Variants in ZNRF1 observed in about 807,000 individuals in gnomAD.
ZNRF1 encodes the protein E3 ubiquitin-protein ligase ZNRF1.
In ZNRF1, 3 loss-of-function variants were observed where a neutral mutation model predicts 18.4. The ratio of observed to expected loss-of-function variants is 0.16; its 90% CI spans 0.07 to 0.42. The LOEUF (loss-of-function observed/expected upper bound fraction) is 0.42. ZNRF1 is among the 10% of genes least tolerant of loss of function. The probability of loss-of-function intolerance (pLI) is 0.99; values close to 1 mark genes in which losing one functional copy is unlikely to be tolerated. For missense variants in ZNRF1, 310 were observed against 329.8 expected (o/e 0.94, Z 0.47); for synonymous variants, 157 against 144.2 (o/e 1.09, Z -0.64).
intron 1 of ZNRF1, among the ~76,000 whole-genome samples, chr16:75,039,300 C>T (rs2035412477): frequency 6.6e-6 from 1 of 151,638 alleles, no homozygotes. Flanking sequence ...AATGTGGAAG[C>T]ATATTTAGAA....
chr16:75,107,314 AC>A (rs1427350192), intron 4 of ZNRF1: 12 of 184,380 alleles, frequency 6.5e-5, no homozygotes, highest in Admixed American at 1.7e-4. Flanking sequence ...AGTAGACAAA[AC>A]CCCCATAAAA....
At position 75,109,585 on chromosome 16, in the gene ZNRF1, C is replaced by T. The variant is rs1219647791; in HGVS notation, c.*1885C>T. ...AGACTCGGTGGTTCAGAGCCTGGGTCTCAGCGCGGGACCCGTCTGGGGTGA... is the reference window on the plus strand; with the variant it reads ...AGACTCGGTGGTTCAGAGCCTGGGTTTCAGCGCGGGACCCGTCTGGGGTGA... On this transcript the variant is annotated 3_prime_UTR_variant, in exon 5 of 5. Coordinates refer to ENST00000335325, the MANE Select transcript of ZNRF1 (RefSeq NM_032268.5). The T allele has an allele frequency of 6.5e-6, 1 of 152,840 alleles. No individual in the cohort carries two copies. Among genetic ancestry groups the T allele is most frequent in the Non-Finnish European group, 1.5e-5 (1 of 68,290 alleles). The allele number at this position is 152,840 out of a possible 1,614,324, so 9.5% of individuals were successfully genotyped here.
intron 1 of ZNRF1, among the ~76,000 whole-genome samples, chr16:75,040,660 G>A (rs1382947203): frequency 1.5e-5 from 2 of 131,316 alleles, no homozygotes; most frequent in African/African-American, 5.8e-5. Context: ...AGGCTGGAGT[G>A]CAGTGGCGCA....
intron 1 of ZNRF1, among the ~76,000 whole-genome samples, chr16:75,057,988 G>C (rs927393439): frequency 6.6e-6 from 1 of 152,120 alleles, no homozygotes; most frequent in Non-Finnish European, 1.5e-5. Flanking sequence ...AGAAAAGTAG[G>C]GACCACTGCT....
intron 2 of ZNRF1, among the ~76,000 whole-genome samples, chr16:75,099,512 G>A (rs2036233206): frequency 2.6e-5 from 4 of 152,150 alleles, no homozygotes; most frequent in Non-Finnish European, 5.9e-5. Flanking sequence ...TCCCCAGCCA[G>A]GCCAAACACA....
intron 1 of ZNRF1, among the ~76,000 whole-genome samples, chr16:75,036,770 A>G (rs982267476): frequency 1.3e-5 from 2 of 152,014 alleles, no homozygotes; most frequent in African/African-American, 4.8e-5. Flanking sequence ...TTACACCTGG[A>G]TGGTATATGT....
At chr16:75,094,134 T>C (rs1378381065) in intron 2 of ZNRF1, among the ~76,000 whole-genome samples, 1 of 152,150 alleles carries the variant, frequency 6.6e-6, no homozygotes, top group African/African-American at 2.4e-5. Context: ...GTCGTCTCCT[T>C]GTCACGTTCG....
intron 1 of ZNRF1, among the ~76,000 whole-genome samples, chr16:75,004,557 C>G (rs1567462612): frequency 6.6e-6 from 1 of 152,128 alleles, no homozygotes; most frequent in Non-Finnish European, 1.5e-5. Context: ...CTAAACTGTT[C>G]TTTATTGTCA....
At chr16:75,105,026 G>C (rs2036298112) in intron 3 of ZNRF1, 137 bp downstream of exon 3, 2 of 695,510 alleles carry the variant, frequency 2.9e-6, no homozygotes, top group African/African-American at 1.8e-5. Flanking sequence ...AAGGGCAGAG[G>C]CCATCAGACA....
At position 75,010,701 on chromosome 16, in the gene ZNRF1, G is replaced by GTTTTTTTTTTTTTTTTTTT. The variant is rs1334552920; in HGVS notation, c.424+10615_424+10616insTTTTTTTTTTTTTTTTTTT. Among the ~76,000 whole-genome samples the GTTTTTTTTTTTTTTTTTTT allele has an allele frequency of 2.4e-4, 15 of 63,804 alleles. 1 individual carries two copies. Among genetic ancestry groups the GTTTTTTTTTTTTTTTTTTT allele is most frequent in the African/African-American group, 4.0e-4 (9 of 22,324 alleles). 41.9% of individuals were successfully genotyped at this position (63,804 alleles called of 152,430 possible). On this transcript the variant is annotated intron_variant, in intron 1 of 4. Coordinates refer to ENST00000335325, the MANE Select transcript of ZNRF1 (RefSeq NM_032268.5). ...AAATTAGTCACCTCTGTACTGTACT[G>GTTTTTTTTTTTTTTTTTTT]TTTTTTTTTGTTTTTTTGTTTTTTT...
At chr16:75,035,129 C>G (rs1274932664) in intron 1 of ZNRF1, among the ~76,000 whole-genome samples, 1 of 151,018 alleles carries the variant, frequency 6.6e-6, no homozygotes, top group Non-Finnish European at 1.5e-5. Flanking sequence ...TCCACCCCCC[C>G]TCCCCAGGTT....
In ZNRF1 at chr16:74,999,982, A is replaced by T. The variant is rs778939696; in HGVS notation, c.311A>T (p.Gln104Leu). 6.3e-7 allele frequency: 1 copy of T among 1,584,898 alleles called. No homozygotes were observed. Among genetic ancestry groups the T allele is most frequent in the East Asian group, 2.3e-5 (1 of 43,648 alleles). ...ACCTATGCCCATGGCAATGGTTACC[A>T]GGAGACGGGCGGCGGTCACCATAGA... ...DSTYAHGNGY[Q>L]ETGGGHHRDG... The change falls in exon 1 of 5, where the codon CAG (glutamine) becomes CTG (leucine). Residue 104 changes from glutamine to leucine, a missense_variant. Physicochemically the swap from Gln to Leu is moderately radical, Grantham distance 113. Around this residue, in one of 2 missense-constraint regions of ZNRF1, gnomAD observed 293 missense variants for 291.2 expected, o/e 1.01. Coordinates refer to ENST00000335325, the MANE Select transcript of ZNRF1 (RefSeq NM_032268.5).
chr16:75,017,420 T>A (rs372438900), intron 1 of ZNRF1, among the ~76,000 whole-genome samples: 3 of 152,210 alleles, frequency 2.0e-5, no homozygotes, highest in African/African-American at 7.2e-5. Flanking sequence ...TACAGAAAAG[T>A]TGCAGAACTT....
intron 1 of ZNRF1, among the ~76,000 whole-genome samples, chr16:75,068,414 G>T (rs556640977): frequency 6.6e-6 from 1 of 152,030 alleles, no homozygotes; most frequent in East Asian, 1.9e-4. Flanking sequence ...CTCAGTTTGC[G>T]GGGGGCACAA....
At chr16:75,079,399 G>C (rs535421877) in intron 1 of ZNRF1, among the ~76,000 whole-genome samples, 1 of 152,340 alleles carries the variant, frequency 6.6e-6, no homozygotes, top group South Asian at 2.1e-4. Flanking sequence ...AGAATCACTT[G>C]AACCAGGGAA....
chr16:75,022,689 C>G (rs80209364), intron 1 of ZNRF1, among the ~76,000 whole-genome samples: 1,896 of 152,296 alleles, frequency 0.012, 23 homozygotes, highest in Non-Finnish European at 0.021. Context: ...TTTCAGTGCT[C>G]GGTAACCACA....
intron 1 of ZNRF1, among the ~76,000 whole-genome samples, chr16:75,003,896 T>A (rs73612089): frequency 0.023 from 3,563 of 152,120 alleles, 160 homozygotes; most frequent in African/African-American, 0.082. Flanking sequence ...ACATTCTAAA[T>A]GGAGAGTGGT....
intron 1 of ZNRF1, among the ~76,000 whole-genome samples, chr16:75,053,824 T>C (rs372061464): frequency 2.0e-5 from 3 of 152,196 alleles, no homozygotes; most frequent in East Asian, 1.9e-4. Context: ...GTCTAGACTT[T>C]AGAAAAGAGC....
chr16:75,051,151 T>TGA (rs1315868360), intron 1 of ZNRF1, among the ~76,000 whole-genome samples: 1 of 151,742 alleles, frequency 6.6e-6, no homozygotes, highest in Admixed American at 6.6e-5. Context: ...CAGTGAGCTA[T>TGA]GATTGCACTG....
Sources: allele counts gnomAD v4.1 joint callset (sites outside exome capture counted in the v4.1 genomes callset), GRCh38; gene constraint gnomAD v4.1.1; regional missense constraint gnomAD v4.1.1; transcripts MANE v1.5; gene names NCBI Gene and HGNC (gene_info 2026-07-23, HGNC 2026-07-21).